Variants in PLIN2 observed in about 807,000 individuals in gnomAD.
The protein encoded by PLIN2 is perilipin-2.
Under a neutral mutation model 30.6 loss-of-function variants are expected in PLIN2, and 33 were observed. The ratio of observed to expected loss-of-function variants is 1.08; its 90% CI spans 0.82 to 1.44. The LOEUF (loss-of-function observed/expected upper bound fraction) is 1.44. PLIN2 is among the 40% of genes most tolerant of loss of function. The pLI is 0.00. For synonymous variants in PLIN2, 205 were observed against 201.1 expected, an observed-to-expected ratio of 1.02 and a Z score of -0.16; for missense variants, 610 against 531.8, an observed-to-expected ratio of 1.15 and a Z score of -1.45.
intron 2 of PLIN2, among the ~76,000 whole-genome samples, chr9:19,110,180 C>G (rs1266805768): frequency 6.6e-6 from 1 of 151,912 alleles, no homozygotes; most frequent in Non-Finnish European, 1.5e-5. Flanking sequence ...TGCGCTGCAA[C>G]CATGCCTGGC....
At position 19,116,422 on chromosome 9, in the gene PLIN2, T is replaced by A; in HGVS notation, c.1140A>T (p.Lys380Asn). 1 of 1,614,196 alleles carries A rather than the reference T, an allele frequency of 6.2e-7. No homozygotes were observed. Among genetic ancestry groups the A allele is most frequent in the Non-Finnish European group, 8.5e-7 (1 of 1,180,034 alleles). The stretch of plus-strand genomic sequence containing the variant: ...TCACGTCATCTAAAGATTCCTTCAT[T>A]TTCTGCAGCTGCCCCTTGCTAGAAG... Reference protein sequence around the residue: ...LLTSSKGQLQKMKESLDDVMD... With the variant: ...LLTSSKGQLQNMKESLDDVMD... Residue 380 changes from lysine (K) to asparagine (N), a missense_variant, in exon 8 of 8, where the codon AAA becomes AAT. Physicochemically the swap from Lys to Asn is moderately conservative, Grantham distance 94. Transcript: ENST00000276914.
chr9:19,120,749 G>GTTCT, intron 5 of PLIN2, 131 bp downstream of exon 5: 1 of 697,510 alleles, frequency 1.4e-6, no homozygotes, highest in Non-Finnish European at 2.5e-6. Context: ...TAGCAGAAGT[G>GTTCT]TTCTGAAACT....
intron 7 of PLIN2, among the ~76,000 whole-genome samples, chr9:19,116,888 A>T (rs772638459): frequency 7.2e-5 from 11 of 152,224 alleles, no homozygotes; most frequent in Non-Finnish European, 1.3e-4. Flanking sequence ...GATTCGAACT[A>T]GTGCCTGAGT....
At chr9:19,115,300 ATTTTC>A (rs1317620655), downstream of PLIN2, among the ~76,000 whole-genome samples, 4 of 138,874 alleles carry the variant, frequency 2.9e-5, no homozygotes, top group Middle Eastern at 3.8e-3. Flanking sequence ...CAAGCATCCT[ATTTTC>A]TTTTCTTTTT....
intron 3 of PLIN2, among the ~76,000 whole-genome samples, chr9:19,124,408 A>C (rs1818365990): frequency 6.6e-6 from 1 of 152,112 alleles, no homozygotes; most frequent in African/African-American, 2.4e-5. Flanking sequence ...ACCACCCTGG[A>C]TCTCCCTAAC....
chr9:19,121,585 G>A (rs1818317898), intron 4 of PLIN2, among the ~76,000 whole-genome samples: 1 of 151,818 alleles, frequency 6.6e-6, no homozygotes, highest in Admixed American at 6.6e-5. Flanking sequence ...CAAATCCAGA[G>A]AGGAAACTGA....
chr9:19,115,377 G>A (rs369881162), downstream of PLIN2, among the ~76,000 whole-genome samples: 1 of 148,694 alleles, frequency 6.7e-6, no homozygotes, highest in Non-Finnish European at 1.5e-5. Flanking sequence ...GCGCTATCTC[G>A]GCTCACTGCA....
downstream of PLIN2, among the ~76,000 whole-genome samples, chr9:19,112,754 T>C (rs1384499787): frequency 4.1e-5 from 6 of 145,860 alleles, no homozygotes. Flanking sequence ...TCCTGAGACA[T>C]GTTGACAAAT....
Position 19,116,255 on chromosome 9 carries a change from GT to G in PLIN2, c.1306del (p.Thr436LeufsTer36). ...CTAGTGATAGGGGCAGGTTTAATGAGTTTTATGCTCAGATCGCTGGGTCTCC... is the reference window on the plus strand; with the variant it reads ...CTAGTGATAGGGGCAGGTTTAATGAGTTTATGCTCAGATCGCTGGGTCTCC... ...SQETQRSEHK[T>X]H On this transcript the variant is annotated frameshift_variant, in exon 8 of 8. Transcript: ENST00000276914. LOFTEE classifies it high-confidence loss of function. 1 of 1,589,688 alleles carries G rather than the reference GT, an allele frequency of 6.3e-7. No individual in the cohort carries two copies. Among genetic ancestry groups the G allele is most frequent in the Non-Finnish European group, 8.6e-7 (1 of 1,167,050 alleles).
intron 3 of PLIN2, among the ~76,000 whole-genome samples, chr9:19,124,816 G>T (rs909445968): frequency 6.6e-6 from 1 of 152,134 alleles, no homozygotes; most frequent in Non-Finnish European, 1.5e-5. Flanking sequence ...TCCAAAAGTA[G>T]AACGAACCCA....
chr9:19,116,313 C>G lies in PLIN2; in HGVS notation c.1249G>C (p.Asp417His), dbSNP rs1818220876. 6.2e-7 allele frequency: 1 copy of G among 1,613,674 alleles called. No individual in the cohort carries two copies. The highest frequency in any genetic ancestry group is 8.5e-7 in the Non-Finnish European group (1 of 1,179,992). The change falls in exon 8 of 8, where the codon GAC (aspartate) becomes CAC (histidine). Residue 417 changes from aspartate to histidine, a missense_variant. Asp to His is a moderately conservative substitution (Grantham distance 81, BLOSUM62 -1). Transcript: ENST00000276914. Reference protein sequence around the residue: ...PQLTESQNAQDQGAEMDKSSQ... With the variant: ...PQLTESQNAQHQGAEMDKSSQ... ...CTCTTGTCCATCTCTGCACCTTGGT[C>G]CTGAGCATTCTGAGACTCAGTCAGC...
chr9:19,113,638 A>G (rs528237041), downstream of PLIN2, among the ~76,000 whole-genome samples: 6 of 151,324 alleles, frequency 4.0e-5, no homozygotes, highest in Non-Finnish European at 5.9e-5. Flanking sequence ...CAGTGTCACA[A>G]TCTCGGCTCA....
chr9:19,111,110 T>C (rs1160372367), downstream of PLIN2, among the ~76,000 whole-genome samples: 3 of 151,810 alleles, frequency 2.0e-5, no homozygotes, highest in Non-Finnish European at 4.4e-5. Flanking sequence ...CAAGCTGGAG[T>C]GCAGTGATGC....
chr9:19,123,494 A>C (rs755781718), intron 4 of PLIN2, 71 bp downstream of exon 4: 2 of 1,610,446 alleles, frequency 1.2e-6, no homozygotes, highest in African/African-American at 2.7e-5. Flanking sequence ...TGATATGTAC[A>C]GCTTGTTTTA....
rs772450848 is a variant in PLIN2 at position 19,116,542 on chromosome 9, T to C, written c.1020A>G (p.Gln340=). 1.9e-6 allele frequency: 3 copies of C among 1,614,192 alleles called. No individual in the cohort carries two copies. The highest frequency in any genetic ancestry group is 1.7e-6 in the Non-Finnish European group (2 of 1,180,034). ...SNIQGVPQNI[Q]DQAKHMGVMA... ...TCACCCCCATGTGCTTGGCTTGATC[T>C]TGGATGTTCTGTGGTACACCTTGGA... The change falls in exon 8 of 8, where the codon CAA becomes CAG. Residue 340 remains glutamine, a synonymous_variant. Transcript: ENST00000276914.
intron 3 of PLIN2, 95 bp downstream of exon 3, chr9:19,126,019 G>A: frequency 1.0e-6 from 1 of 978,728 alleles, no homozygotes; most frequent in Non-Finnish European, 1.6e-6. Context: ...GTATGCCCCA[G>A]GAAGGGCTGA....
intron 5 of PLIN2, 94 bp from the exon 6 acceptor site, chr9:19,119,925 C>T (rs1351575385): frequency 1.7e-5 from 13 of 772,692 alleles, no homozygotes; most frequent in Non-Finnish European, 2.7e-5. Context: ...TTTCTTACTT[C>T]TACCCAATCA....
rs143511731 is a variant in PLIN2, at chr9:19,120,883, G to C, written c.592C>G (p.Leu198Val). The change falls in exon 5 of 8, where the codon CTA becomes GTA. Residue 198 changes from leucine (L) to valine (V), a missense_variant. Physicochemically the swap from Leu to Val is conservative, Grantham distance 32 (BLOSUM62 1). Coordinates refer to ENST00000276914, the MANE Select transcript of PLIN2 (RefSeq NM_001122.4). The stretch of plus-strand genomic sequence containing the variant: ...TTCAAGATAAAATTCCAGTTACCTA[G>C]TTCTTCCTCAGTGAGAGGGAGGTAC... Reference protein sequence around the residue: ...EQYLPLTEEELEKEAKKVEGF... With the variant: ...EQYLPLTEEEVEKEAKKVEGF... The C allele has an allele frequency of 1.2e-6, 2 of 1,612,066 alleles. No individual in the cohort carries two copies. Among genetic ancestry groups the C allele is most frequent in the Non-Finnish European group, 8.5e-7 (1 of 1,178,074 alleles).
In PLIN2 at chr9:19,127,148, C is replaced by T. The variant is rs2131187714; in HGVS notation, c.-23+271G>A. Among the ~76,000 whole-genome samples the T allele has an allele frequency of 6.6e-6, 1 of 152,354 alleles. No homozygotes were observed. The highest frequency in any genetic ancestry group is 2.1e-4 in the South Asian group (1 of 4,824). ...AGGCCAAGGGACATTCGATAGCAAT[C>T]GCCCTAAATCTGTTGGCAGGAAAGA... On this transcript the variant is annotated intron_variant, in intron 1 of 7. Coordinates refer to ENST00000276914, the MANE Select transcript of PLIN2 (RefSeq NM_001122.4). The surrounding 1 kb of genome is among the most constrained non-coding windows in gnomAD (Gnocchi z 4.3).
Sources: allele counts gnomAD v4.1 joint callset (sites outside exome capture counted in the v4.1 genomes callset), GRCh38; gene constraint gnomAD v4.1.1; non-coding constraint Gnocchi (gnomAD v3.1); transcripts MANE v1.5; gene names NCBI Gene and HGNC (gene_info 2026-07-23, HGNC 2026-07-21).